Variants in SPTB observed in about 807,000 individuals in gnomAD.
The protein encoded by SPTB is spectrin beta, erythrocytic.
A neutral mutation model predicts 256.2 loss-of-function variants in SPTB; 45 were observed. That is an observed-to-expected ratio of 0.18 (90% confidence interval 0.14 to 0.23). The LOEUF (loss-of-function observed/expected upper bound fraction) is 0.23, where lower values mean the gene tolerates loss of function less well. SPTB is among the 10% of genes least tolerant of loss of function. The pLI is 1.00. For synonymous variants in SPTB, 1,231 were observed against 1,243.1 expected (o/e 0.99, Z 0.21); for missense variants, 2,715 against 3,040.4 (o/e 0.89, Z 2.52).
intron 9 of SPTB, among the ~76,000 whole-genome samples, chr14:64,799,388 G>A (rs963770147): frequency 6.6e-6 from 1 of 152,204 alleles, no homozygotes; most frequent in Non-Finnish European, 1.5e-5. Context: ...GAGCACAGAG[G>A]TCATCAGAAA....
rs2083319441 is a variant in SPTB at position 64,822,937 on chromosome 14, C to CA, written c.148+9dup. 1 of 1,612,934 alleles carries CA rather than the reference C, an allele frequency of 6.2e-7. No individual in the cohort carries two copies. Among genetic ancestry groups the CA allele is most frequent in the South Asian group, 1.1e-5 (1 of 91,032 alleles). On this transcript the variant is annotated intron_variant, in intron 2 of 35. Transcript: ENST00000644917. Reference sequence around the variant, plus strand: ...GAATGCCCTCCAACCCTTGTGGCCCCAAACAGTACCTGCCAAGGCCTTTAT... The same window carrying CA: ...GAATGCCCTCCAACCCTTGTGGCCCCAAAACAGTACCTGCCAAGGCCTTTAT...
In SPTB at chr14:64,764,653, G is replaced by A. The variant is rs983377501; in HGVS notation, c.6345+2073C>T. Among the ~76,000 whole-genome samples, 4 of 152,230 alleles carry A rather than the reference G, an allele frequency of 2.6e-5. No homozygotes were observed. The highest frequency in any genetic ancestry group is 5.9e-5 in the Non-Finnish European group (4 of 68,038). ...TGCACAGACACAGATGACACAGACA[G>A]TGGATGGAGTCGCTCTGGTGCTCAC... On this transcript the variant is annotated intron_variant, in intron 32 of 35. Transcript: ENST00000644917. This position sits in a 1 kb window ranked among gnomAD's most constrained non-coding sequence, Gnocchi z 4.2.
chr14:64,779,072 G>A lies in SPTB; in HGVS notation c.4563+85C>T. 2.0e-6 allele frequency: 2 copies of A among 1,023,446 alleles called. No individual in the cohort carries two copies. Among genetic ancestry groups the A allele is most frequent in the Non-Finnish European group, 1.5e-6 (1 of 665,996 alleles). 63.4% of individuals were successfully genotyped at this position (1,023,446 alleles called of 1,614,324 possible). ...AATAATCTGCTGTTGCTAGCCTTCT[G>A]CAGGTCAGGGCTGGGCCTACCCCCG... On this transcript the variant is annotated intron_variant, in intron 22 of 35. Transcript: ENST00000644917. The surrounding 1 kb of genome is among the most constrained non-coding windows in gnomAD (Gnocchi z 4.2).
At position 64,760,239 on chromosome 14, in the gene SPTB, G is replaced by C. The variant is rs561613043; in HGVS notation, c.6346-6446C>G. 6.6e-5 allele frequency among the ~76,000 whole-genome samples: 10 copies of C among 152,242 alleles called. No homozygotes were observed. Among genetic ancestry groups the C allele is most frequent in the East Asian group, 3.9e-4 (2 of 5,162 alleles). On this transcript the variant is annotated intron_variant, in intron 32 of 35. Coordinates refer to ENST00000644917, the MANE Select transcript of SPTB (RefSeq NM_001355436.2). The surrounding 1 kb of genome is among the most constrained non-coding windows in gnomAD (Gnocchi z 4.3). ...GCCTTGCTAGGAAACTGGCTTGGGTGGGGGAGGCAGGGGTTGGGGTCTTCA... is the reference window on the plus strand; with the variant it reads ...GCCTTGCTAGGAAACTGGCTTGGGTCGGGGAGGCAGGGGTTGGGGTCTTCA...
rs1243324999 is a variant in SPTB at position 64,847,853 on chromosome 14, C to A, written c.-51-24708G>T. Among the ~76,000 whole-genome samples the A allele has an allele frequency of 6.6e-6, 1 of 152,178 alleles. No homozygotes were observed. The highest frequency in any genetic ancestry group is 1.5e-5 in the Non-Finnish European group (1 of 68,030). Reference sequence around the variant, plus strand: ...CCTCAATGCTCCATGTGCCCCCCACCGCAAACCCCATCCGGAGTGAGACAA... The same window carrying A: ...CCTCAATGCTCCATGTGCCCCCCACAGCAAACCCCATCCGGAGTGAGACAA... On this transcript the variant is annotated intron_variant, in intron 1 of 35. Coordinates refer to ENST00000644917, the MANE Select transcript of SPTB (RefSeq NM_001355436.2). This position sits in a 1 kb window ranked among gnomAD's most constrained non-coding sequence, Gnocchi z 5.9.
At chr14:64,768,650 C>CT in intron 29 of SPTB, among the ~76,000 whole-genome samples, 1 of 152,070 alleles carries the variant, frequency 6.6e-6, no homozygotes, top group Non-Finnish European at 1.5e-5. Flanking sequence ...CCCAACCCCT[C>CT]TCCCAGACCC....
At chr14:64,862,719 C>T (rs374651175) in intron 1 of SPTB, among the ~76,000 whole-genome samples, 34 of 151,804 alleles carry the variant, frequency 2.2e-4, no homozygotes, top group Admixed American at 1.3e-3. Context: ...ACTAAAAATA[C>T]GAAAAATTAG....
chr14:64,833,509 G>A (rs951631758), intron 1 of SPTB, among the ~76,000 whole-genome samples: 4 of 151,128 alleles, frequency 2.6e-5, no homozygotes, highest in African/African-American at 9.7e-5. Flanking sequence ...CCAAGATTGG[G>A]CCTTTGTACC....
chr14:64,767,413 G>T (rs116589340), intron 30 of SPTB, 61 bp from the exon 31 acceptor site: 2 of 1,604,372 alleles, frequency 1.2e-6, no homozygotes, highest in Middle Eastern at 1.6e-4. Context: ...GTTCTCAGAC[G>T]ATCTCCCTCT....
chr14:64,770,774 C>G, intron 27 of SPTB, 111 bp downstream of exon 27: 2 of 1,528,934 alleles, frequency 1.3e-6, no homozygotes, highest in Non-Finnish European at 1.8e-6. Context: ...TTTCATGGAA[C>G]GATAGTCCAG....
chr14:64,761,730 G>A (rs1456133988), intron 32 of SPTB, among the ~76,000 whole-genome samples: 1 of 152,216 alleles, frequency 6.6e-6, no homozygotes, highest in East Asian at 1.9e-4. Flanking sequence ...CACCACCTGT[G>A]TGGCCTCTTC....
rs2082915016 is a variant in SPTB at position 64,802,987 on chromosome 14, T to C, written c.474+620A>G. 6.6e-6 allele frequency among the ~76,000 whole-genome samples: 1 copy of C among 152,184 alleles called. No individual in the cohort carries two copies. Among genetic ancestry groups the C allele is most frequent in the South Asian group, 2.1e-4 (1 of 4,826 alleles). ...ATTCTCCCCAACTCTGCTGCTATTGTTGTTCAATGTTATGCACCCATGGAG... is the reference window on the plus strand; with the variant it reads ...ATTCTCCCCAACTCTGCTGCTATTGCTGTTCAATGTTATGCACCCATGGAG... On this transcript the variant is annotated intron_variant, in intron 4 of 35. Coordinates refer to ENST00000644917, the MANE Select transcript of SPTB (RefSeq NM_001355436.2). This position sits in a 1 kb window ranked among gnomAD's most constrained non-coding sequence, Gnocchi z 5.1.
At chr14:64,761,830 GA>G (rs1256506416) in intron 32 of SPTB, among the ~76,000 whole-genome samples, 1 of 152,066 alleles carries the variant, frequency 6.6e-6, no homozygotes, top group Non-Finnish European at 1.5e-5. Flanking sequence ...GAGAGAGTTA[GA>G]AGACACTGAC....
At position 64,785,561 on chromosome 14, in the gene SPTB, C is replaced by G. The variant is rs1204568319; in HGVS notation, c.3831G>C (p.Gln1277His). Residue 1277 changes from glutamine to histidine, a missense_variant, in exon 18 of 36, where the codon CAG becomes CAC. Gln to His is a conservative substitution (Grantham distance 24). This residue lies in a region of SPTB where 2,239 missense variants were observed against 2,384.4 expected (regional missense o/e 0.94). Coordinates refer to ENST00000644917, the MANE Select transcript of SPTB (RefSeq NM_001355436.2). This position sits in a 1 kb window ranked among gnomAD's most constrained non-coding sequence, Gnocchi z 4.4. ...SVLLRDNLEL[Q>H]NFLQNCQELT... is the part of the protein sequence containing the mutation. ...CCTCCTGGCAGTTCTGGAGGAAGTT[C>G]TGTAGCTCCAGGTTGTCTCTCAGTA... 1.9e-6 allele frequency: 3 copies of G among 1,613,812 alleles called. No individual in the cohort carries two copies. In the Admixed American group the frequency reaches 5.0e-5, roughly 27 times the overall value.
intron 1 of SPTB, among the ~76,000 whole-genome samples, chr14:64,837,491 A>G (rs1349830089): frequency 6.6e-6 from 1 of 152,248 alleles, no homozygotes; most frequent in Non-Finnish European, 1.5e-5. Context: ...TGGAAGAATC[A>G]ATATTGTTAA....
chr14:64,769,361 C>A (rs7141792), intron 28 of SPTB, among the ~76,000 whole-genome samples: 26,519 of 152,162 alleles, frequency 0.17, 3,530 homozygotes, highest in African/African-American at 0.37. Context: ...GGTGTTAGGC[C>A]GGTTATGAGG....
At chr14:64,809,842 C>G (rs2083054461) in intron 2 of SPTB, among the ~76,000 whole-genome samples, 1 of 152,112 alleles carries the variant, frequency 6.6e-6, no homozygotes, top group Admixed American at 6.5e-5. Flanking sequence ...TTAAAAGGCT[C>G]CTGAGGCAGG....
chr14:64,766,943 T>C (rs2082194690), intron 31 of SPTB, 142 bp from the exon 32 acceptor site: 1 of 1,118,418 alleles, frequency 8.9e-7, no homozygotes, highest in East Asian at 2.4e-5. Flanking sequence ...TGGATGGTGC[T>C]TGGCAAGGAG....
At chr14:64,862,950 G>C (rs1881944633) in intron 1 of SPTB, among the ~76,000 whole-genome samples, 1 of 151,994 alleles carries the variant, frequency 6.6e-6, no homozygotes, top group Non-Finnish European at 1.5e-5. Context: ...TATGTGGTAG[G>C]GCCTGAAAAT....
Sources: gnomAD v4.1 joint callset for allele counts (sites outside exome capture counted in the v4.1 genomes callset) on GRCh38, gnomAD v4.1.1 for gene constraint, gnomAD v4.1.1 regional missense constraint, Gnocchi (gnomAD v3.1) non-coding constraint, MANE v1.5 for transcripts, NCBI Gene and HGNC (gene_info 2026-07-23, HGNC 2026-07-21) for gene names.